Variants in CACNA1B observed in about 807,000 individuals in gnomAD.
CACNA1B encodes voltage-dependent N-type calcium channel subunit alpha-1B.
CACNA1B carries 70 observed loss-of-function variants against 247.2 expected under a neutral mutation model. The observed-to-expected ratio is 0.28, with a 90% confidence interval of 0.23 to 0.35. The LOEUF is 0.35. Ranked by LOEUF, CACNA1B falls within the 10% of genes least tolerant of loss-of-function variation. The pLI, the probability that CACNA1B is intolerant of heterozygous loss-of-function variation, is 1.00. For synonymous variants in CACNA1B, 1,231 were observed against 1,294.4 expected, an observed-to-expected ratio of 0.95 and a Z score of 1.05; for missense variants, 2,367 against 3,197.4, an observed-to-expected ratio of 0.74 and a Z score of 6.26.
chr9:138,089,023 C>CAT (rs1960796145), intron 36 of CACNA1B, among the ~76,000 whole-genome samples: 1 of 140,930 alleles, frequency 7.1e-6, no homozygotes, highest in Admixed American at 7.4e-5. Flanking sequence ...CAGGGTGCTT[C>CAT]ACTAGAGAAT....
Position 137,877,786 on chromosome 9 carries a change from G to T in CACNA1B, c.-148G>T. The T allele has an allele frequency of 3.8e-6, 1 of 265,132 alleles. No individual in the cohort carries two copies. The highest frequency in any genetic ancestry group is 5.8e-6 in the Non-Finnish European group (1 of 173,094). The allele number at this position is 265,132 out of a possible 1,614,324, so 16.4% of individuals were successfully genotyped here. Reference sequence around the variant, plus strand: ...GTGGCGCGGGGCCGCGGAGTCGGGTGAGGCGGCGGCGGCTGCGGCGGTGGG... The same window carrying T: ...GTGGCGCGGGGCCGCGGAGTCGGGTTAGGCGGCGGCGGCTGCGGCGGTGGG... On this transcript the variant is annotated 5_prime_UTR_variant, in exon 1 of 47. Transcript: ENST00000371372.
At chr9:137,996,013 T>C (rs1589055516) in intron 15 of CACNA1B, among the ~76,000 whole-genome samples, 3 of 152,342 alleles carry the variant, frequency 2.0e-5, no homozygotes, top group Admixed American at 2.0e-4. Flanking sequence ...TAATAGATGT[T>C]GGTGTGGATG....
rs1013660818 is a variant in CACNA1B, at chr9:137,919,684, G to A, written c.966+2253G>A. Among the ~76,000 whole-genome samples, 2 of 152,240 alleles carry A rather than the reference G, an allele frequency of 1.3e-5. No homozygotes were observed. Among genetic ancestry groups the A allele is most frequent in the Admixed American group, 6.5e-5 (1 of 15,288 alleles). ...AATGACATCTGGGTTCTTTGTGGGC[G>A]GAAGCCCACGGCCTGCAGTAGGGGT... On this transcript the variant is annotated intron_variant, in intron 6 of 46. Coordinates refer to ENST00000371372, the MANE Select transcript of CACNA1B (RefSeq NM_000718.4). The surrounding 1 kb of genome is among the most constrained non-coding windows in gnomAD (Gnocchi z 4.6).
rs138888162 is a variant in CACNA1B at position 137,898,488 on chromosome 9, C to G, written c.531-14692C>G. 1.6e-3 allele frequency among the ~76,000 whole-genome samples: 243 copies of G among 151,582 alleles called. 1 individual carries two copies. The highest frequency in any genetic ancestry group is 5.3e-3 in the African/African-American group (220 of 41,304). ...CATAGTTCCTTGAGGCTCTGTTGTTCTTCTTCTTCTTGTTTTTTCTTTCTT... is the reference window on the plus strand; with the variant it reads ...CATAGTTCCTTGAGGCTCTGTTGTTGTTCTTCTTCTTGTTTTTTCTTTCTT... On this transcript the variant is annotated intron_variant, in intron 3 of 46. Coordinates refer to ENST00000371372, the MANE Select transcript of CACNA1B (RefSeq NM_000718.4).
chr9:138,084,841 A>G (rs1448961928), intron 36 of CACNA1B, among the ~76,000 whole-genome samples: 1 of 150,226 alleles, frequency 6.7e-6, no homozygotes, highest in Admixed American at 6.6e-5. Context: ...AGTCCCAGCT[A>G]CTCGGGAGGC....
chr9:138,044,632 C>T (rs905670659), intron 21 of CACNA1B, among the ~76,000 whole-genome samples: 1 of 152,148 alleles, frequency 6.6e-6, no homozygotes, highest in African/African-American at 2.4e-5. Flanking sequence ...GAGGAGGAGG[C>T]AGAGGGAGAG....
At chr9:138,049,408 G>A in intron 24 of CACNA1B, 93 bp downstream of exon 24, 1 of 815,336 alleles carries the variant, frequency 1.2e-6, no homozygotes, top group Non-Finnish European at 2.1e-6. Flanking sequence ...CCTCTTGTGG[G>A]CTTCCCTGGG....
Position 138,054,327 on chromosome 9 carries a change from G to C in CACNA1B, c.3968+321G>C, listed in dbSNP as rs140951736. On this transcript the variant is annotated intron_variant, in intron 26 of 46. Transcript: ENST00000371372. This position sits in a 1 kb window ranked among gnomAD's most constrained non-coding sequence, Gnocchi z 4.6. ...GCCCACTGGGCAAGGCTTTCTCTAA[G>C]CCCTAGAGATCTTGGCTGGGCTGTA... 6.6e-6 allele frequency among the ~76,000 whole-genome samples: 1 copy of C among 152,258 alleles called. No homozygotes were observed. Among genetic ancestry groups the C allele is most frequent in the Non-Finnish European group, 1.5e-5 (1 of 68,038 alleles).
intron 44 of CACNA1B, among the ~76,000 whole-genome samples, chr9:138,119,274 C>T (rs982222459): frequency 1.3e-5 from 2 of 152,140 alleles, no homozygotes; most frequent in Non-Finnish European, 2.9e-5. Context: ...GGGACATGCA[C>T]ACTGGATTCA....
chr9:138,121,374 C>G lies in CACNA1B; in HGVS notation c.6490-95C>G. On this transcript the variant is annotated intron_variant, in intron 46 of 46. Coordinates refer to ENST00000371372, the MANE Select transcript of CACNA1B (RefSeq NM_000718.4). The surrounding 1 kb of genome is among the most constrained non-coding windows in gnomAD (Gnocchi z 6.8). Reference sequence around the variant, plus strand: ...CATTGCCTCCCTCTCTCCTCCCATCCCCCCAGGCACCTGTGTGTGATGTGC... The same window carrying G: ...CATTGCCTCCCTCTCTCCTCCCATCGCCCCAGGCACCTGTGTGTGATGTGC... The G allele has an allele frequency of 2.1e-6, 2 of 974,764 alleles. No individual in the cohort carries two copies. Among genetic ancestry groups the G allele is most frequent in the Non-Finnish European group, 2.9e-6 (2 of 678,938 alleles). 60.4% of individuals were successfully genotyped at this position (974,764 alleles called of 1,614,324 possible). A position where few individuals can be genotyped will look rare whatever the true frequency, so the allele number is the denominator to read the frequency against.
intron 3 of CACNA1B, among the ~76,000 whole-genome samples, chr9:137,884,961 C>CCG (rs1554919651): frequency 2.8e-5 from 3 of 108,674 alleles, no homozygotes; most frequent in Non-Finnish European, 6.2e-5. Flanking sequence ...CCCTCTTCCC[C>CCG]CCCCCCCTCC....
chr9:138,118,957 G>T (rs570832833), intron 44 of CACNA1B, among the ~76,000 whole-genome samples, 189 bp downstream of exon 44: 55 of 152,242 alleles, frequency 3.6e-4, no homozygotes, highest in Non-Finnish European at 6.6e-4. Context: ...CAGAGGTGCA[G>T]CCTGGACGCC....
chr9:138,117,292 G>A (rs112953710), intron 42 of CACNA1B, among the ~76,000 whole-genome samples: 19 of 152,044 alleles, frequency 1.2e-4, no homozygotes, highest in African/African-American at 3.1e-4. Flanking sequence ...CTTGGGGGGG[G>A]GGTCAGAGAA....
chr9:138,005,860 G>T (rs185811762), intron 15 of CACNA1B, among the ~76,000 whole-genome samples: 1 of 152,048 alleles, frequency 6.6e-6, no homozygotes, highest in Non-Finnish European at 1.5e-5. Flanking sequence ...TGGCTAATGC[G>T]GTGAAACCCC....
At position 137,914,321 on chromosome 9, in the gene CACNA1B, T is replaced by C. The variant is rs74635060; in HGVS notation, c.623-333T>C. Among the ~76,000 whole-genome samples, 1,424 of 152,238 alleles carry C rather than the reference T, an allele frequency of 9.4e-3. 24 individuals carry two copies. The highest frequency in any genetic ancestry group is 0.032 in the African/African-American group (1,340 of 41,504). Reference sequence around the variant, plus strand: ...CATTCTCTTTCCTCTCAGGATTCTCTGTTGCCCCACCCTGAGCCCCACTCC... The same window carrying C: ...CATTCTCTTTCCTCTCAGGATTCTCCGTTGCCCCACCCTGAGCCCCACTCC... On this transcript the variant is annotated intron_variant, in intron 4 of 46. Coordinates refer to ENST00000371372, the MANE Select transcript of CACNA1B (RefSeq NM_000718.4). The surrounding 1 kb of genome is among the most constrained non-coding windows in gnomAD (Gnocchi z 4.3).
intron 21 of CACNA1B, among the ~76,000 whole-genome samples, chr9:138,044,670 C>G (rs1294826518): frequency 6.6e-6 from 1 of 152,188 alleles, no homozygotes; most frequent in African/African-American, 2.4e-5. Flanking sequence ...CACACAAGAG[C>G]TTGCCCGGCC....
chr9:137,894,698 G>A (rs1465656709), intron 3 of CACNA1B, among the ~76,000 whole-genome samples: 1 of 152,102 alleles, frequency 6.6e-6, no homozygotes, highest in Admixed American at 6.5e-5. Flanking sequence ...ATGAGCCACC[G>A]TGCCTGGCCC....
rs2133439110 is a variant in CACNA1B at position 138,023,557 on chromosome 9, C to G, written c.2814C>G (p.His938Gln). The G allele has an allele frequency of 1.8e-6, 2 of 1,089,848 alleles. No homozygotes were observed. The highest frequency in any genetic ancestry group is 1.7e-5 in the African/African-American group (1 of 58,290). 67.5% of individuals were successfully genotyped at this position (1,089,848 alleles called of 1,614,324 possible). Residue 938 changes from histidine (H) to glutamine (Q), a missense_variant, in exon 19 of 47, where the codon CAC becomes CAG. His to Gln is a conservative substitution (Grantham distance 24). Around this residue, in one of 12 missense-constraint regions of CACNA1B, gnomAD observed 631 missense variants for 631.1 expected, o/e 1.00. Coordinates refer to ENST00000371372, the MANE Select transcript of CACNA1B (RefSeq NM_000718.4). ...AEREPRRHRA[H>Q]RHQDPSKECA... Reference sequence around the variant, plus strand: ...GGGAGCCCCGACGCCACCGCGCGCACCGGCACCAGGATCCGAGCAAGGAGT... The same window carrying G: ...GGGAGCCCCGACGCCACCGCGCGCAGCGGCACCAGGATCCGAGCAAGGAGT...
intron 31 of CACNA1B, among the ~76,000 whole-genome samples, chr9:138,064,895 T>C (rs1330660789): frequency 6.6e-6 from 1 of 152,238 alleles, no homozygotes; most frequent in Non-Finnish European, 1.5e-5. Flanking sequence ...GTGATGCCAG[T>C]GCCCTCCTCC....
Sources: allele counts gnomAD v4.1 joint callset (sites outside exome capture counted in the v4.1 genomes callset), GRCh38; gene constraint gnomAD v4.1.1; regional missense constraint gnomAD v4.1.1; non-coding constraint Gnocchi (gnomAD v3.1); transcripts MANE v1.5; gene names NCBI Gene and HGNC (gene_info 2026-07-23, HGNC 2026-07-21).